The following PKHD1L1 variants were observed in gnomAD, a reference collection of about 807,000 sequenced individuals.
PKHD1L1 encodes the protein fibrocystin-L.
PKHD1L1 carries 434 observed loss-of-function variants against 462.9 expected under a neutral mutation model. The ratio of observed to expected loss-of-function variants is 0.94; its 90% CI spans 0.87 to 1.02. The LOEUF is 1.02. PKHD1L1 is among the 50% of genes least tolerant of loss of function. The pLI is 0.00. For synonymous variants in PKHD1L1, 1,781 were observed against 1,750.0 expected (o/e 1.02, Z -0.44); for missense variants, 5,202 against 5,096.1 (o/e 1.02, Z -0.63).
chr8:109,438,303 AT>A lies in PKHD1L1; in HGVS notation c.3628-14del, dbSNP rs543141651. 6.2e-5 allele frequency: 89 copies of A among 1,429,892 alleles called. No homozygotes were observed. In the African/African-American group the frequency reaches 9.9e-4, roughly 16 times the overall value. 88.6% of individuals were successfully genotyped at this position (1,429,892 alleles called of 1,614,324 possible). On this transcript the variant is annotated intron_variant, in intron 30 of 77. Transcript: ENST00000378402. ...GTATCTCAACAATTAATATTTTCTA[AT>A]TTTTTTCCTCTTATTTTAGAAAACT...
chr8:109,432,489 AT>A (rs1815164694), intron 27 of PKHD1L1, among the ~76,000 whole-genome samples: 1 of 152,046 alleles, frequency 6.6e-6, no homozygotes, highest in African/African-American at 2.4e-5. Flanking sequence ...TATATATATG[AT>A]TTGTTATAGT....
intron 21 of PKHD1L1, among the ~76,000 whole-genome samples, chr8:109,418,547 T>C (rs972912476): frequency 6.6e-6 from 1 of 152,218 alleles, no homozygotes; most frequent in African/African-American, 2.4e-5. Context: ...TATGATTTAA[T>C]GGAAAATCTG....
At position 109,491,106 on chromosome 8, in the gene PKHD1L1, T is replaced by C. The variant is rs763203955; in HGVS notation, c.10114+5T>C. On this transcript the variant is annotated splice_donor_5th_base_variant and intron_variant, in intron 61 of 77. Transcript: ENST00000378402. ...TTCACTTTACAGTGGGGGAAGGTAA[T>C]ATAATAATATTTTGGTTCAAATTAC... 4 of 1,603,822 alleles carry C rather than the reference T, an allele frequency of 2.5e-6. No homozygotes were observed. In the Admixed American group the frequency reaches 5.0e-5, roughly 20 times the overall value.
At chr8:109,375,586 A>T (rs1339194629) in intron 2 of PKHD1L1, among the ~76,000 whole-genome samples, 1 of 152,000 alleles carries the variant, frequency 6.6e-6, no homozygotes, top group Non-Finnish European at 1.5e-5. Context: ...TCTGATTTTT[A>T]GAGTTTCCAG....
intron 18 of PKHD1L1, among the ~76,000 whole-genome samples, chr8:109,409,348 C>G (rs1173536253): frequency 2.6e-5 from 4 of 151,910 alleles, no homozygotes; most frequent in African/African-American, 9.7e-5. Context: ...CTCCTGGGTT[C>G]AAGCGATTCT....
At chr8:109,366,967 C>T (rs1233780515) in intron 2 of PKHD1L1, among the ~76,000 whole-genome samples, 4 of 152,120 alleles carry the variant, frequency 2.6e-5, no homozygotes, top group African/African-American at 9.7e-5. Context: ...GCTGGGATTA[C>T]AGGCATGAGC....
In PKHD1L1 at chr8:109,466,725, C is replaced by T; in HGVS notation, c.8561C>T (p.Pro2854Leu). 1 of 1,612,930 alleles carries T rather than the reference C, an allele frequency of 6.2e-7. No individual in the cohort carries two copies. Residue 2854 changes from proline (P) to leucine (L), a missense_variant, in exon 50 of 78, where the codon CCA (proline) becomes CTA (leucine). This residue lies in a region of PKHD1L1 where 4,497 missense variants were observed against 4,336.8 expected (regional missense o/e 1.04). Transcript: ENST00000378402. ...FHRLAFNQPS[P>L]VSLLEKDVVL... ...CGTTTAGCGTTCAACCAGCCTTCTC[C>T]AGTATCTCTGCTTGAAAAGGATGTG...
intron 57 of PKHD1L1, 53 bp downstream of exon 57, chr8:109,483,158 A>T (rs1818355373): frequency 7.6e-7 from 1 of 1,315,840 alleles, no homozygotes; most frequent in Non-Finnish European, 1.0e-6. Context: ...GGGTCAGCTG[A>T]AAAAAGTTTC....
chr8:109,424,270 T>G (rs1814623644), intron 23 of PKHD1L1, among the ~76,000 whole-genome samples: 1 of 152,208 alleles, frequency 6.6e-6, no homozygotes, highest in Admixed American at 6.5e-5. Flanking sequence ...TCACATTGCA[T>G]ATACTGTAGT....
At chr8:109,374,501 T>G (rs983128249) in intron 2 of PKHD1L1, among the ~76,000 whole-genome samples, 1 of 152,218 alleles carries the variant, frequency 6.6e-6, no homozygotes, top group Non-Finnish European at 1.5e-5. Context: ...CCAATTTACA[T>G]TTAAGGTTTA....
chr8:109,393,915 G>A (rs1384406648), intron 9 of PKHD1L1, among the ~76,000 whole-genome samples: 2 of 151,902 alleles, frequency 1.3e-5, no homozygotes, highest in African/African-American at 2.4e-5. Flanking sequence ...GGTGGCTCAC[G>A]CCTGTAATCC....
rs771377995 is a variant in PKHD1L1, at chr8:109,444,751, G to T, written c.4882G>T (p.Gly1628Cys). Reference sequence around the variant, plus strand: ...TGACCCTCAAAACTCAATGGATGTTGGTATCAGGGAAACTGTCACTTTGAC... The same window carrying T: ...TGACCCTCAAAACTCAATGGATGTTTGTATCAGGGAAACTGTCACTTTGAC... Reference protein sequence around the residue: ...HIDPQNSMDVGIRETVTLTVY... With the variant: ...HIDPQNSMDVCIRETVTLTVY... Residue 1628 changes from glycine to cysteine, a missense_variant, in exon 38 of 78, where the codon GGT becomes TGT. By Grantham distance (159) the Gly-to-Cys change is radical (BLOSUM62 -3). Around this residue, in one of 3 missense-constraint regions of PKHD1L1, gnomAD observed 4,497 missense variants for 4,336.8 expected, o/e 1.04. Transcript: ENST00000378402. 1.4e-5 allele frequency: 23 copies of T among 1,613,970 alleles called. No individual in the cohort carries two copies. The Admixed American group carries it at 3.5e-4, about 25-fold the overall frequency.
At chr8:109,372,245 T>C (rs1428489535) in intron 2 of PKHD1L1, among the ~76,000 whole-genome samples, 1 of 152,184 alleles carries the variant, frequency 6.6e-6, no homozygotes, top group African/African-American at 2.4e-5. Flanking sequence ...GATTCCTGGG[T>C]ATTTTATTCT....
chr8:109,414,697 G>A (rs1814043485), intron 21 of PKHD1L1, among the ~76,000 whole-genome samples: 1 of 152,014 alleles, frequency 6.6e-6, no homozygotes, highest in Admixed American at 6.6e-5. Flanking sequence ...ACTTTCATGT[G>A]TGGAACAAGC....
chr8:109,427,472 TA>T (rs1384009891), intron 25 of PKHD1L1, among the ~76,000 whole-genome samples: 1 of 152,078 alleles, frequency 6.6e-6, no homozygotes, highest in Non-Finnish European at 1.5e-5. Flanking sequence ...TAAACCGAAC[TA>T]AATCCAGATG....
intron 23 of PKHD1L1, 33 bp downstream of exon 23, chr8:109,420,723 A>C (rs1814419792): frequency 1.4e-6 from 2 of 1,440,366 alleles, no homozygotes; most frequent in Non-Finnish European, 1.8e-6. Flanking sequence ...ATTTTTATGT[A>C]GTGAATTTTA....
intron 46 of PKHD1L1, 95 bp from the exon 47 acceptor site, chr8:109,459,500 G>A: frequency 2.2e-6 from 2 of 918,044 alleles, no homozygotes; most frequent in Non-Finnish European, 3.1e-6. Context: ...TTCCTATTTT[G>A]CAGAGTATTT....
At chr8:109,456,702 G>A (rs925359480) in intron 46 of PKHD1L1, among the ~76,000 whole-genome samples, 2 of 152,118 alleles carry the variant, frequency 1.3e-5, no homozygotes, top group Non-Finnish European at 2.9e-5. Context: ...AAAAAGAAGT[G>A]TTTGACTACT....
Position 109,425,821 on chromosome 8 carries a change from A to C in PKHD1L1, c.2845+589A>C, listed in dbSNP as rs532225179. On this transcript the variant is annotated intron_variant, in intron 24 of 77. Transcript: ENST00000378402. ...CATGAGTCATATGTGGCTACTGAGCACTTAAAATGTGACTAGTGCCACATG... is the reference window on the plus strand; with the variant it reads ...CATGAGTCATATGTGGCTACTGAGCCCTTAAAATGTGACTAGTGCCACATG... Among the ~76,000 whole-genome samples, 4 of 152,242 alleles carry C rather than the reference A, an allele frequency of 2.6e-5. No individual in the cohort carries two copies. In the South Asian group the frequency reaches 8.3e-4, roughly 32 times the overall value.
Sources: gnomAD v4.1 joint callset for allele counts (sites outside exome capture counted in the v4.1 genomes callset) on GRCh38, gnomAD v4.1.1 for gene constraint, gnomAD v4.1.1 regional missense constraint, MANE v1.5 for transcripts, NCBI Gene and HGNC (gene_info 2026-07-23, HGNC 2026-07-21) for gene names.